Variants in CAMK2B observed in about 807,000 individuals in gnomAD.
CAMK2B encodes calcium/calmodulin dependent protein kinase II beta, also known as calcium/calmodulin-dependent protein kinase type II subunit beta.
Under a neutral mutation model 93.7 loss-of-function variants are expected in CAMK2B, and 27 were observed. The ratio of observed to expected loss-of-function variants is 0.29; its 90% CI spans 0.21 to 0.40. The LOEUF (loss-of-function observed/expected upper bound fraction) is 0.40. Ranked by LOEUF, CAMK2B falls within the 10% of genes least tolerant of loss-of-function variation. The pLI, the probability that CAMK2B is intolerant of heterozygous loss-of-function variation, is 1.00. For synonymous variants in CAMK2B, 374 were observed against 358.8 expected, an observed-to-expected ratio of 1.04 and a Z score of -0.48; for missense variants, 568 against 895.8, an observed-to-expected ratio of 0.63 and a Z score of 4.67.
At chr7:44,319,177 AAGAG>A (rs897976909) in intron 1 of CAMK2B, among the ~76,000 whole-genome samples, 1 of 152,110 alleles carries the variant, frequency 6.6e-6, no homozygotes, top group African/African-American at 2.4e-5. Context: ...TTTGTGGGGG[AAGAG>A]AGAGAGAATT....
intron 1 of CAMK2B, among the ~76,000 whole-genome samples, chr7:44,303,313 C>T (rs1790610162): frequency 6.6e-6 from 1 of 152,086 alleles, no homozygotes; most frequent in South Asian, 2.1e-4. Flanking sequence ...CAATATTGTC[C>T]AATGTCAGTT....
In CAMK2B at chr7:44,228,858, G is replaced by A; in HGVS notation, c.1406C>T (p.Pro469Leu). 1.3e-6 allele frequency: 2 copies of A among 1,529,852 alleles called. No homozygotes were observed. Among genetic ancestry groups the A allele is most frequent in the Non-Finnish European group, 1.8e-6 (2 of 1,132,860 alleles). The allele number at this position is 1,529,852 out of a possible 1,614,324, so 94.8% of individuals were successfully genotyped here. A position where few individuals can be genotyped will look rare whatever the true frequency, so the allele number is the denominator to read the frequency against. Reference sequence around the variant, plus strand: ...GCAGGGCGGGGGCCCCGCTGAGAGGGGGCCCTCGGCTTCTGGGGTTCCTGA... The same window carrying A: ...GCAGGGCGGGGGCCCCGCTGAGAGGAGGCCCTCGGCTTCTGGGGTTCCTGA... ...RGSGTPEAEG[P>L]LSAGPPPCLS... The change falls in exon 19 of 24, where the codon CCC becomes CTC. Residue 469 changes from proline (P) to leucine (L), a missense_variant. Around this residue, in one of 4 missense-constraint regions of CAMK2B, gnomAD observed 308 missense variants for 292.1 expected, o/e 1.05. Coordinates refer to ENST00000395749, the MANE Select transcript of CAMK2B (RefSeq NM_001220.5).
Position 44,315,974 on chromosome 7 carries a change from C to G in CAMK2B, c.65+9383G>C, listed in dbSNP as rs151190940. On this transcript the variant is annotated intron_variant, in intron 1 of 23. Transcript: ENST00000395749. ...TTTTAAATGGATTCCTTAGGATTTT[C>G]TATATACGAAAGCATGTAATCTGAA... Among the ~76,000 whole-genome samples the G allele has an allele frequency of 3.7e-3, 559 of 152,172 alleles. 4 individuals carry two copies. The highest frequency in any genetic ancestry group is 0.013 in the African/African-American group (538 of 41,544).
At chr7:44,265,305 C>T (rs1378661486) in intron 2 of CAMK2B, among the ~76,000 whole-genome samples, 1 of 152,172 alleles carries the variant, frequency 6.6e-6, no homozygotes, top group African/African-American at 2.4e-5. Flanking sequence ...TTCAGTAAAT[C>T]GAATGCAGAT....
intron 1 of CAMK2B, among the ~76,000 whole-genome samples, chr7:44,313,418 C>T (rs192486004): frequency 7.2e-4 from 110 of 152,070 alleles, no homozygotes; most frequent in African/African-American, 2.4e-3. Context: ...GCTACAGCCC[C>T]AGCCTTGCTA....
intron 1 of CAMK2B, among the ~76,000 whole-genome samples, chr7:44,305,746 C>G (rs1182399958): frequency 6.6e-6 from 1 of 152,198 alleles, no homozygotes. Context: ...CCTTGGGTGC[C>G]GTCTTGGCTC....
At chr7:44,296,378 T>C (rs571246443) in intron 1 of CAMK2B, among the ~76,000 whole-genome samples, 1,842 of 151,912 alleles carry the variant, frequency 0.012, 42 homozygotes, top group African/African-American at 0.042. Context: ...AATAGGAACT[T>C]CTAAAACTAA....
intron 2 of CAMK2B, among the ~76,000 whole-genome samples, chr7:44,282,395 G>A (rs35883032): frequency 0.21 from 32,444 of 152,248 alleles, 4,250 homozygotes; most frequent in Middle Eastern, 0.31. Context: ...CCAGGCCCCC[G>A]CAATGTGTGG....
rs1267258071 is a variant in CAMK2B at position 44,220,645 on chromosome 7, A to T, written c.1739T>A (p.Met580Lys). The change falls in exon 22 of 24, where the codon ATG (methionine) becomes AAG (lysine). Residue 580 changes from methionine to lysine, a missense_variant. Physicochemically the swap from Met to Lys is moderately conservative, Grantham distance 95. Around this residue, in one of 4 missense-constraint regions of CAMK2B, gnomAD observed 116 missense variants for 188.0 expected, o/e 0.62. Transcript: ENST00000395749. ...PEALGNLVEG[M>K]DFHRFYFENL... is the part of the protein sequence containing the mutation. ...CTCGAAGTAGAATCTGTGGAAGTCC[A>T]TCCCTTCAACCAGGTTGCCCAGTGC... 6.2e-7 allele frequency: 1 copy of T among 1,613,628 alleles called. No homozygotes were observed. Among genetic ancestry groups the T allele is most frequent in the African/African-American group, 1.3e-5 (1 of 74,936 alleles).
rs757804245 is a variant in CAMK2B, at chr7:44,242,278, C to T, written c.759G>A (p.Leu253=). The T allele has an allele frequency of 6.2e-7, 1 of 1,614,088 alleles. No homozygotes were observed. Among genetic ancestry groups the T allele is most frequent in the Non-Finnish European group, 8.5e-7 (1 of 1,179,942 alleles). The change falls in exon 10 of 24, where the codon CTG becomes CTA. Residue 253 remains leucine, a synonymous_variant. Transcript: ENST00000395749. ...TGATGCGCTTGGCAGGGTTGATGGT[C>T]AGCATCTGGTTGATGAGGTTTTTGG... ...PEAKNLINQM[L]TINPAKRITA...
Position 44,229,487 on chromosome 7 carries a change from C to A in CAMK2B, c.1240G>T (p.Asp414Tyr). Residue 414 changes from aspartate to tyrosine, a missense_variant, in exon 18 of 24, where the codon GAC becomes TAC. Asp to Tyr is a radical substitution (Grantham distance 160, BLOSUM62 -3). Transcript: ENST00000395749. ...DEDAKAPRVP[D>Y]ILSSVRRGSG... is the part of the protein sequence containing the mutation. The stretch of plus-strand genomic sequence containing the variant: ...CCCCTCCTCACTGAGCTCAGGATGT[C>A]GGGGACCCTGGGGGCTGAGGCGGAA... 1 of 1,441,148 alleles carries A rather than the reference C, an allele frequency of 6.9e-7. No individual in the cohort carries two copies. The allele number at this position is 1,441,148 out of a possible 1,614,324, so 89.3% of individuals were successfully genotyped here. A position where few individuals can be genotyped will look rare whatever the true frequency, so the allele number is the denominator to read the frequency against.
At chr7:44,252,028 G>A (rs943827224) in intron 5 of CAMK2B, among the ~76,000 whole-genome samples, 7 of 152,192 alleles carry the variant, frequency 4.6e-5, no homozygotes, top group Non-Finnish European at 7.4e-5. Flanking sequence ...CCCAGGGCCC[G>A]CCACGGGGAG....
intron 13 of CAMK2B, among the ~76,000 whole-genome samples, chr7:44,237,760 C>T (rs2096639915): frequency 6.6e-6 from 1 of 152,178 alleles, no homozygotes; most frequent in Admixed American, 6.5e-5. Context: ...CCAGGGTAGG[C>T]GGAGCAGTCA....
Position 44,322,058 on chromosome 7 carries a change from T to A in CAMK2B, c.65+3299A>T, listed in dbSNP as rs572385003. Among the ~76,000 whole-genome samples, 565 of 152,344 alleles carry A rather than the reference T, an allele frequency of 3.7e-3. 4 individuals carry two copies. The highest frequency in any genetic ancestry group is 0.014 in the Middle Eastern group (4 of 294). ...CGGGCCGTGACGGTGCTGGCCACAG[T>A]GTGCTGAGTGACAATGGAACACAGG... is the stretch of plus-strand genomic sequence containing the variant. On this transcript the variant is annotated intron_variant, in intron 1 of 23. Transcript: ENST00000395749.
At chr7:44,247,228 C>CCTGGGGAGCAGCAAGAGGAGGCA in intron 5 of CAMK2B, 36 bp from the exon 6 acceptor site, 2 of 1,587,828 alleles carry the variant, frequency 1.3e-6, no homozygotes. Flanking sequence ...TGCGAGTGGC[C>CCTGGGGAGCAGCAAGAGGAGGCA]CTGGGGAGCA....
At chr7:44,322,018 G>C (rs1320937612) in intron 1 of CAMK2B, among the ~76,000 whole-genome samples, 1 of 152,236 alleles carries the variant, frequency 6.6e-6, no homozygotes, top group Non-Finnish European at 1.5e-5. Flanking sequence ...CTGCGCCCCA[G>C]ACGCATTCAG....
At chr7:44,237,068 C>T (rs1248060393) in intron 13 of CAMK2B, among the ~76,000 whole-genome samples, 2 of 152,260 alleles carry the variant, frequency 1.3e-5, no homozygotes, top group African/African-American at 2.4e-5. Flanking sequence ...ACGTAGCCTC[C>T]GCCAACCCAG....
intron 2 of CAMK2B, among the ~76,000 whole-genome samples, chr7:44,277,242 AC>A (rs1254229686): frequency 6.6e-6 from 1 of 152,018 alleles, no homozygotes; most frequent in Non-Finnish European, 1.5e-5. Flanking sequence ...TGATCTCTTT[AC>A]CCCCGTCAAT....
chr7:44,325,342 C>A lies in CAMK2B; in HGVS notation c.65+15G>T. 5.7e-6 allele frequency: 7 copies of A among 1,234,630 alleles called. No homozygotes were observed. The highest frequency in any genetic ancestry group is 7.3e-6 in the Non-Finnish European group (7 of 959,406). The allele number at this position is 1,234,630 out of a possible 1,614,324, so 76.5% of individuals were successfully genotyped here. Reference sequence around the variant, plus strand: ...TGGGGTCCCCGGCCCAGCCCGCGCGCGCCGCTGCTCTTACTTGCCAATATC... The same window carrying A: ...TGGGGTCCCCGGCCCAGCCCGCGCGAGCCGCTGCTCTTACTTGCCAATATC... On this transcript the variant is annotated intron_variant, in intron 1 of 23. Coordinates refer to ENST00000395749, the MANE Select transcript of CAMK2B (RefSeq NM_001220.5).
Sources: allele counts gnomAD v4.1 joint callset (sites outside exome capture counted in the v4.1 genomes callset), GRCh38; gene constraint gnomAD v4.1.1; regional missense constraint gnomAD v4.1.1; transcripts MANE v1.5; gene names NCBI Gene and HGNC (gene_info 2026-07-23, HGNC 2026-07-21).